Variants in CEP128 observed in about 807,000 individuals in gnomAD.
CEP128 encodes centrosomal protein 128.
CEP128 carries 132 observed loss-of-function variants against 156.7 expected under a neutral mutation model. That is an observed-to-expected ratio of 0.84 (90% CI 0.73 to 0.97). The LOEUF is 0.97. CEP128 is among the 50% of genes least tolerant of loss of function. CEP128 has a pLI of 0.00. For synonymous variants in CEP128, 469 were observed against 448.9 expected, an observed-to-expected ratio of 1.04 and a Z score of -0.57; for missense variants, 1,252 against 1,281.9, an observed-to-expected ratio of 0.98 and a Z score of 0.36.
intron 16 of CEP128, among the ~76,000 whole-genome samples, chr14:80,772,546 C>G (rs1010159514): frequency 3.3e-5 from 5 of 152,078 alleles, no homozygotes; most frequent in African/African-American, 4.8e-5. Flanking sequence ...ACCTGGGTAC[C>G]AAGAGAGCAC....
intron 13 of CEP128, among the ~76,000 whole-genome samples, chr14:80,803,971 A>T (rs1327957210): frequency 6.6e-6 from 1 of 152,150 alleles, no homozygotes; most frequent in Non-Finnish European, 1.5e-5. Context: ...TATACATGAT[A>T]CAATAGTTGT....
rs542091783 is a variant in CEP128 at position 80,558,633 on chromosome 14, G to A, written c.2880+646C>T. ...AGACGGGGTTTTACCACGTTGGCCA[G>A]GCTGGTCTCGAACTCCTGACCTCAA... is the stretch of plus-strand genomic sequence containing the variant. On this transcript the variant is annotated intron_variant, in intron 21 of 24. Coordinates refer to ENST00000555265, the MANE Select transcript of CEP128 (RefSeq NM_152446.5). 2.0e-4 allele frequency among the ~76,000 whole-genome samples: 30 copies of A among 152,058 alleles called. No individual in the cohort carries two copies. In the South Asian group the frequency reaches 5.0e-3, roughly 25 times the overall value.
chr14:80,532,201 A>AT lies in CEP128; in HGVS notation c.2881-1316dup, dbSNP rs1222552710. Among the ~76,000 whole-genome samples the AT allele has an allele frequency of 1.5e-3, 223 of 147,238 alleles. 1 individual carries two copies. The highest frequency in any genetic ancestry group is 5.5e-3 in the African/African-American group (214 of 39,036). On this transcript the variant is annotated intron_variant, in intron 21 of 24. Coordinates refer to ENST00000555265, the MANE Select transcript of CEP128 (RefSeq NM_152446.5). Reference sequence around the variant, plus strand: ...CTCAATTATGAGTATATATATATATATTTTTTTTCTGAGACAGGGTCTCGC... The same window carrying AT: ...CTCAATTATGAGTATATATATATATATTTTTTTTTCTGAGACAGGGTCTCGC...
chr14:80,489,971 A>C (rs1887270066), downstream of CEP128, among the ~76,000 whole-genome samples: 1 of 152,074 alleles, frequency 6.6e-6, no homozygotes, highest in South Asian at 2.1e-4. Flanking sequence ...TTAGATTGTC[A>C]GATATCAAGA....
chr14:80,539,453 CA>C (rs1431945340), intron 21 of CEP128, among the ~76,000 whole-genome samples: 1 of 152,194 alleles, frequency 6.6e-6, no homozygotes, highest in Non-Finnish European at 1.5e-5. Context: ...GGACATTTAT[CA>C]GTTCCCAAAT....
intron 21 of CEP128, among the ~76,000 whole-genome samples, chr14:80,533,561 T>C (rs559618056): frequency 7.2e-4 from 110 of 152,300 alleles, no homozygotes; most frequent in African/African-American, 2.6e-3. Flanking sequence ...AATTATATGA[T>C]GGTTTTGGAT....
At chr14:80,938,245 ATTTTT>A (rs35236692) in intron 2 of CEP128, among the ~76,000 whole-genome samples, 2 of 117,014 alleles carry the variant, frequency 1.7e-5, no homozygotes, top group African/African-American at 6.5e-5. Flanking sequence ...CAGTGTTAGT[ATTTTT>A]TTTTTTTTTT....
In CEP128 at chr14:80,809,590, A is replaced by G. The variant is rs575247037; in HGVS notation, c.1210-16480T>C. Among the ~76,000 whole-genome samples the G allele has an allele frequency of 6.6e-5, 10 of 152,318 alleles. No homozygotes were observed. In the South Asian group the frequency reaches 2.1e-3, roughly 32 times the overall value. On this transcript the variant is annotated intron_variant, in intron 13 of 24. Transcript: ENST00000555265. Reference sequence around the variant, plus strand: ...GTCAAACTGTCTAAAGTGAATCACAAAGAGGAAATTCTAAAACCACCAAAG... The same window carrying G: ...GTCAAACTGTCTAAAGTGAATCACAGAGAGGAAATTCTAAAACCACCAAAG...
At chr14:80,680,294 C>T (rs947749997) in intron 19 of CEP128, among the ~76,000 whole-genome samples, 2 of 152,128 alleles carry the variant, frequency 1.3e-5, no homozygotes, top group African/African-American at 4.8e-5. Flanking sequence ...GTATGCTCCC[C>T]TCAGATCATG....
chr14:80,605,798 G>A (rs900444991), intron 19 of CEP128, among the ~76,000 whole-genome samples: 4 of 151,954 alleles, frequency 2.6e-5, no homozygotes, highest in Non-Finnish European at 5.9e-5. Context: ...TCCAGTTCAT[G>A]AATATGAAGG....
At chr14:80,480,219 T>C (rs1594896205) in intron 14 of CEP128, among the ~76,000 whole-genome samples, 1 of 152,166 alleles carries the variant, frequency 6.6e-6, no homozygotes, top group East Asian at 1.9e-4. Context: ...TGACCCCACA[T>C]TTCTCTTCTG....
At chr14:80,574,836 C>T (rs1176349250) in intron 20 of CEP128, among the ~76,000 whole-genome samples, 2 of 151,952 alleles carry the variant, frequency 1.3e-5, no homozygotes, top group East Asian at 3.9e-4. Flanking sequence ...GTGACAAAAA[C>T]AAAATCTAAC....
At position 80,504,812 on chromosome 14, in the gene CEP128, T is replaced by C. The variant is rs1028130187; in HGVS notation, c.3181+100A>G. 8.9e-6 allele frequency: 4 copies of C among 448,810 alleles called. No individual in the cohort carries two copies. In the Admixed American group the frequency reaches 1.2e-4, roughly 13 times the overall value. 27.8% of individuals were successfully genotyped at this position (448,810 alleles called of 1,614,324 possible). A position where few individuals can be genotyped will look rare whatever the true frequency, so the allele number is the denominator to read the frequency against. ...TGATTCATGAGGATTTTCTCAGACT[T>C]ATGAATATTACTATCATATACTGGC... On this transcript the variant is annotated intron_variant, in intron 24 of 24. Transcript: ENST00000555265.
intron 19 of CEP128, among the ~76,000 whole-genome samples, chr14:80,734,846 CAAAAAAAAAAAA>C (rs397798792): frequency 6.4e-5 from 4 of 62,070 alleles, no homozygotes; most frequent in Non-Finnish European, 1.3e-4. Context: ...GACCCCATCT[CAAAAAAAAAAAA>C]AAAAAAAAAA....
At chr14:80,770,459 T>G (rs137986253) in intron 16 of CEP128, among the ~76,000 whole-genome samples, 1 of 152,174 alleles carries the variant, frequency 6.6e-6, no homozygotes, top group South Asian at 2.1e-4. Flanking sequence ...TTTCTTAACA[T>G]CTGACATTAC....
At chr14:80,516,920 C>T (rs1032279154) in intron 23 of CEP128, among the ~76,000 whole-genome samples, 3 of 152,134 alleles carry the variant, frequency 2.0e-5, no homozygotes, top group Admixed American at 6.5e-5. Flanking sequence ...TGTGATTGCT[C>T]GCCTTAAGTT....
At chr14:80,855,950 G>A (rs1051025768) in intron 9 of CEP128, among the ~76,000 whole-genome samples, 3 of 151,966 alleles carry the variant, frequency 2.0e-5, no homozygotes, top group Non-Finnish European at 4.4e-5. Flanking sequence ...TTTCTTATGT[G>A]GTATCTGTAT....
At chr14:80,748,494 A>T (rs1899218927) in intron 18 of CEP128, among the ~76,000 whole-genome samples, 1 of 152,220 alleles carries the variant, frequency 6.6e-6, no homozygotes, top group Non-Finnish European at 1.5e-5. Flanking sequence ...TATGAAACAC[A>T]TGCTGAAGGC....
chr14:80,825,170 C>T (rs921659610), intron 13 of CEP128, among the ~76,000 whole-genome samples: 5 of 152,210 alleles, frequency 3.3e-5, no homozygotes, highest in African/African-American at 1.2e-4. Context: ...CGGGTCCCTC[C>T]CACAACGGTG....
Sources: gnomAD v4.1 joint callset for allele counts (sites outside exome capture counted in the v4.1 genomes callset) on GRCh38, gnomAD v4.1.1 for gene constraint, MANE v1.5 for transcripts, NCBI Gene and HGNC (gene_info 2026-07-23, HGNC 2026-07-21) for gene names.